The following PACS1 variants were observed in gnomAD, a reference collection of about 807,000 sequenced individuals.
PACS1 encodes the protein phosphofurin acidic cluster sorting protein 1.
PACS1 carries 24 observed loss-of-function variants against 115.0 expected under a neutral mutation model. That is an observed-to-expected ratio of 0.21 (90% CI 0.15 to 0.29). The LOEUF is 0.29. Among genes scored for constraint, PACS1 ranks in the 10% least tolerant of loss-of-function variants. The pLI is 1.00. For synonymous variants in PACS1, 453 were observed against 504.5 expected (o/e 0.90, Z 1.37); for missense variants, 838 against 1,251.2 (o/e 0.67, Z 4.98).
At chr11:66,157,320 A>G (rs1364820305) in intron 1 of PACS1, among the ~76,000 whole-genome samples, 1 of 152,208 alleles carries the variant, frequency 6.6e-6, no homozygotes, top group Admixed American at 6.5e-5. Context: ...GAAAACTGAA[A>G]TGTAGGTGCA....
chr11:66,098,501 C>A (rs1274488845), intron 1 of PACS1, among the ~76,000 whole-genome samples: 1 of 152,198 alleles, frequency 6.6e-6, no homozygotes, highest in Non-Finnish European at 1.5e-5. Flanking sequence ...CACATGCTAT[C>A]CTAGCACCCT....
Position 66,114,839 on chromosome 11 carries a change from A to C in PACS1, c.356+43997A>C, listed in dbSNP as rs370993393. On this transcript the variant is annotated intron_variant, in intron 1 of 23. Coordinates refer to ENST00000320580, the MANE Select transcript of PACS1 (RefSeq NM_018026.4). ...GGTATGATTATAAACCAAAAGCACT[A>C]TAAGTGGTTACATAATTTTCTTACA... is the stretch of plus-strand genomic sequence containing the variant. Among the ~76,000 whole-genome samples the C allele has an allele frequency of 3.6e-4, 55 of 152,286 alleles. 4 individuals are homozygous for C. Among genetic ancestry groups the C allele is most frequent in the Admixed American group, 1.8e-3 (28 of 15,294 alleles).
At position 66,175,492 on chromosome 11, in the gene PACS1, C is replaced by T. The variant is rs376892760; in HGVS notation, c.357-17994C>T. On this transcript the variant is annotated intron_variant, in intron 1 of 23. Transcript: ENST00000320580. ...TGTTCTGTCTATTTCCTTGGAGACT[C>T]ATTGCATCTAGATTAGATTTCAGCT... is the stretch of plus-strand genomic sequence containing the variant. 2.1e-3 allele frequency among the ~76,000 whole-genome samples: 322 copies of T among 152,300 alleles called. 7 individuals are homozygous for T. In the South Asian group the frequency reaches 0.034, roughly 16 times the overall value.
intron 1 of PACS1, among the ~76,000 whole-genome samples, chr11:66,090,312 G>C (rs1330401947): frequency 1.8e-5 from 2 of 112,058 alleles, no homozygotes; most frequent in Non-Finnish European, 3.4e-5. Flanking sequence ...TTGCTCTGTT[G>C]CCCATGCTGG....
At chr11:66,133,721 T>C (rs1858758103) in intron 1 of PACS1, among the ~76,000 whole-genome samples, 1 of 152,176 alleles carries the variant, frequency 6.6e-6, no homozygotes, top group Non-Finnish European at 1.5e-5. Context: ...GTCAGACTGG[T>C]CTGAAACTTC....
At chr11:66,105,140 T>C (rs998537508) in intron 1 of PACS1, among the ~76,000 whole-genome samples, 6 of 152,120 alleles carry the variant, frequency 3.9e-5, no homozygotes, top group African/African-American at 7.2e-5. Context: ...CTAGTAATTA[T>C]GGGCTGGGCA....
chr11:66,229,329 C>T (rs1439034717), intron 11 of PACS1, among the ~76,000 whole-genome samples: 1 of 151,898 alleles, frequency 6.6e-6, no homozygotes, highest in Non-Finnish European at 1.5e-5. Context: ...TTCAAGGCTG[C>T]AGTGAGCTGA....
At chr11:66,223,294 A>G (rs1855398131) in intron 10 of PACS1, among the ~76,000 whole-genome samples, 2 of 151,650 alleles carry the variant, frequency 1.3e-5, no homozygotes, top group Admixed American at 1.3e-4. Flanking sequence ...GGGTTTCTCC[A>G]TGTTGGCCAG....
chr11:66,182,626 G>A (rs1003058432), intron 1 of PACS1, among the ~76,000 whole-genome samples: 11 of 151,978 alleles, frequency 7.2e-5, no homozygotes, highest in African/African-American at 2.2e-4. Context: ...ACATGGGCGC[G>A]TGTGCCACCA....
In PACS1 at chr11:66,092,278, G is replaced by A. The variant is rs903105100; in HGVS notation, c.356+21436G>A. On this transcript the variant is annotated intron_variant, in intron 1 of 23. Transcript: ENST00000320580. ...TGCATTTCTCTGATGGCCAGTGATG[G>A]TGAGCATTTTTTCATGTCTTTTTTG... Among the ~76,000 whole-genome samples, 76 of 152,200 alleles carry A rather than the reference G, an allele frequency of 5.0e-4. 2 individuals are homozygous for A. Among genetic ancestry groups the A allele is most frequent in the African/African-American group, 1.6e-3 (66 of 41,486 alleles).
chr11:66,163,298 C>G (rs1859531820), intron 1 of PACS1, among the ~76,000 whole-genome samples: 1 of 147,204 alleles, frequency 6.8e-6, no homozygotes, highest in Non-Finnish European at 1.5e-5. Context: ...TTGCAGTGAG[C>G]TGAGATTGCT....
rs1305084852 is a variant in PACS1, at chr11:66,235,125, G to A, written c.2105-176G>A. Among the ~76,000 whole-genome samples the A allele has an allele frequency of 2.0e-5, 3 of 152,176 alleles. No homozygotes were observed. The highest frequency in any genetic ancestry group is 2.0e-4 in the Admixed American group (3 of 15,280). On this transcript the variant is annotated intron_variant, in intron 17 of 23. Coordinates refer to ENST00000320580, the MANE Select transcript of PACS1 (RefSeq NM_018026.4). The surrounding 1 kb of genome is among the most constrained non-coding windows in gnomAD (Gnocchi z 5.6). Reference sequence around the variant, plus strand: ...TTTGAGGAACTGCAAAGATTGGAAGGGAGAGGACCATCCTTGGGCTCATGA... The same window carrying A: ...TTTGAGGAACTGCAAAGATTGGAAGAGAGAGGACCATCCTTGGGCTCATGA...
chr11:66,159,618 G>A (rs1283553361), intron 1 of PACS1, among the ~76,000 whole-genome samples: 1 of 152,132 alleles, frequency 6.6e-6, no homozygotes, highest in Non-Finnish European at 1.5e-5. Flanking sequence ...GGGTGGGGGA[G>A]CGGGTGGTAT....
chr11:66,181,594 A>G (rs2134655722), intron 1 of PACS1, among the ~76,000 whole-genome samples: 1 of 152,248 alleles, frequency 6.6e-6, no homozygotes, highest in East Asian at 1.9e-4. Context: ...AATTATGCTT[A>G]TTTGTTCTTT....
chr11:66,188,159 ATTT>A (rs71461607), intron 1 of PACS1, among the ~76,000 whole-genome samples: 6 of 94,880 alleles, frequency 6.3e-5, no homozygotes, highest in East Asian at 3.0e-4. Flanking sequence ...TTTTAATCGG[ATTT>A]TTTTTTTTTT....
At chr11:66,232,092 C>T in intron 13 of PACS1, 80 bp from the exon 14 acceptor site, 1 of 842,044 alleles carries the variant, frequency 1.2e-6, no homozygotes, top group South Asian at 1.4e-5. Context: ...CCAGAGACTC[C>T]CCATGCACCA....
rs1457103557 is a variant in PACS1 at position 66,234,179 on chromosome 11, A to C, written c.2041A>C (p.Ser681Arg). Residue 681 changes from serine (S) to arginine (R), a missense_variant, in exon 17 of 24, where the codon AGT becomes CGT. Physicochemically the swap from Ser to Arg is moderately radical, Grantham distance 110. Transcript: ENST00000320580. ...KYLGSVDSKY[S>R]SSFLDSGWRD... ...CTTGGGGTCAGTCGACAGTAAATAC[A>C]GTAGTTCCTTCCTGGATTCTGGTTG... The C allele has an allele frequency of 6.2e-7, 1 of 1,614,030 alleles. No individual in the cohort carries two copies. Among genetic ancestry groups the C allele is most frequent in the East Asian group, 2.2e-5 (1 of 44,892 alleles).
chr11:66,171,327 G>GA (rs1859732686), intron 1 of PACS1, among the ~76,000 whole-genome samples: 2 of 150,394 alleles, frequency 1.3e-5, no homozygotes, highest in South Asian at 2.1e-4. Context: ...TATTCTAGGT[G>GA]AATCTTATGA....
intron 1 of PACS1, among the ~76,000 whole-genome samples, chr11:66,126,125 C>T (rs1029686524): frequency 1.3e-5 from 2 of 151,302 alleles, no homozygotes; most frequent in Non-Finnish European, 2.9e-5. Flanking sequence ...TGTTAGTGTT[C>T]GACATTACTA....
Sources: allele counts gnomAD v4.1 joint callset (sites outside exome capture counted in the v4.1 genomes callset), GRCh38; gene constraint gnomAD v4.1.1; non-coding constraint Gnocchi (gnomAD v3.1); transcripts MANE v1.5; gene names NCBI Gene and HGNC (gene_info 2026-07-23, HGNC 2026-07-21).